SND1: variants seen among roughly 807,000 people sequenced by gnomAD.
The protein encoded by SND1 is staphylococcal nuclease domain-containing protein 1.
A neutral mutation model predicts 121.7 loss-of-function variants in SND1; 38 were observed. That is an observed-to-expected ratio of 0.31 (90% confidence interval 0.24 to 0.41). SND1 has a LOEUF of 0.41. SND1 is among the 10% of genes least tolerant of loss of function. SND1 has a pLI of 1.00. For missense variants in SND1, 868 were observed against 1,184.6 expected, an observed-to-expected ratio of 0.73 and a Z score of 3.92; for synonymous variants, 401 against 447.4, an observed-to-expected ratio of 0.90 and a Z score of 1.31.
chr7:127,882,449 G>A (rs1250787397), intron 12 of SND1, among the ~76,000 whole-genome samples: 1 of 146,938 alleles, frequency 6.8e-6, no homozygotes, highest in South Asian at 2.3e-4. Flanking sequence ...GGGAGGGGAA[G>A]AGAGGGGAGA....
intron 16 of SND1, chr7:128,031,077 G>A (rs1216950390): frequency 6.6e-6 from 1 of 152,486 alleles, no homozygotes; most frequent in Non-Finnish European, 1.5e-5. Context: ...GGGAAGGGGT[G>A]GGGGAGACAA....
chr7:127,766,242 T>G (rs1797407587), intron 10 of SND1, among the ~76,000 whole-genome samples: 1 of 152,200 alleles, frequency 6.6e-6, no homozygotes. Flanking sequence ...TGCCCTGATC[T>G]TGGACTCCCA....
In SND1 at chr7:127,932,625, A is replaced by G. The variant is rs572017540; in HGVS notation, c.1669+3296A>G. Among the ~76,000 whole-genome samples, 26 of 152,336 alleles carry G rather than the reference A, an allele frequency of 1.7e-4. No homozygotes were observed. The South Asian group carries it at 3.9e-3, about 23-fold the overall frequency. ...CCACAGCATTCCATGCTACAGAGAA[A>G]TACTTTGTGAAAGGAAGAGCCAGTT... On this transcript the variant is annotated intron_variant, in intron 15 of 23. Transcript: ENST00000354725.
intron 2 of SND1, among the ~76,000 whole-genome samples, chr7:127,688,516 C>G (rs1003697200): frequency 1.4e-5 from 2 of 147,658 alleles, no homozygotes; most frequent in African/African-American, 5.1e-5. Flanking sequence ...AAGACCAGTC[C>G]TGACAACTGA....
At chr7:127,759,099 T>TAGATAGATAGATAGATAGATAGATAGGC (rs1268977068) in intron 10 of SND1, among the ~76,000 whole-genome samples, 6 of 152,020 alleles carry the variant, frequency 3.9e-5, no homozygotes, top group East Asian at 1.9e-4. Flanking sequence ...GATAGATAGA[T>TAGATAGATAGATAGATAGATAGATAGGC]AGGCAGGCAG....
chr7:127,814,463 T>C (rs1050085131), intron 11 of SND1, among the ~76,000 whole-genome samples: 1 of 152,166 alleles, frequency 6.6e-6, no homozygotes, highest in Non-Finnish European at 1.5e-5. Flanking sequence ...GAATATCTTA[T>C]GTTGTAGACG....
At chr7:127,835,166 C>T (rs1010785056) in intron 11 of SND1, among the ~76,000 whole-genome samples, 1 of 152,182 alleles carries the variant, frequency 6.6e-6, no homozygotes, top group Non-Finnish European at 1.5e-5. Context: ...CCCTTCCCCC[C>T]ACTAATTATT....
intron 17 of SND1, among the ~76,000 whole-genome samples, chr7:128,079,989 C>A (rs59781795): frequency 0.019 from 2,851 of 152,298 alleles, 102 homozygotes; most frequent in African/African-American, 0.065. Flanking sequence ...TTCACTACTT[C>A]TAGCTGCAAG....
intron 10 of SND1, among the ~76,000 whole-genome samples, chr7:127,744,293 T>G (rs1796938552): frequency 6.6e-6 from 1 of 152,202 alleles, no homozygotes; most frequent in Admixed American, 6.5e-5. Context: ...TTGCCGTTTT[T>G]GGGTCGGCTT....
At chr7:127,671,786 T>C (rs1795521932) in intron 1 of SND1, among the ~76,000 whole-genome samples, 1 of 152,220 alleles carries the variant, frequency 6.6e-6, no homozygotes, top group South Asian at 2.1e-4. Context: ...AGTTTATCTG[T>C]CACATATCTG....
chr7:127,785,231 G>A (rs1797790750), intron 10 of SND1, among the ~76,000 whole-genome samples: 1 of 152,166 alleles, frequency 6.6e-6, no homozygotes, highest in Non-Finnish European at 1.5e-5. Flanking sequence ...AGATTGACCA[G>A]TGGAAGGAAG....
At position 127,997,812 on chromosome 7, in the gene SND1, C is replaced by T. The variant is rs767457793; in HGVS notation, c.1779+6756C>T. 5 of 534,798 alleles carry T rather than the reference C, an allele frequency of 9.3e-6. No individual in the cohort carries two copies. The East Asian group carries it at 2.2e-4, about 23-fold the overall frequency. 33.1% of individuals were successfully genotyped at this position (534,798 alleles called of 1,614,324 possible). The stretch of plus-strand genomic sequence containing the variant: ...TTCTCCCATCTCTCAGGTAGACTTA[C>T]ACTTTCGGCCCAGCACATCAGTCAT... On this transcript the variant is annotated intron_variant, in intron 16 of 23. Coordinates refer to ENST00000354725, the MANE Select transcript of SND1 (RefSeq NM_014390.4).
chr7:127,891,644 G>A (rs1009630253), intron 13 of SND1, among the ~76,000 whole-genome samples: 2 of 151,888 alleles, frequency 1.3e-5, no homozygotes, highest in African/African-American at 2.4e-5. Flanking sequence ...TCCCAGCTTC[G>A]TGTCCTCTGC....
At chr7:127,715,381 T>C (rs1218100115) in intron 9 of SND1, among the ~76,000 whole-genome samples, 1 of 152,174 alleles carries the variant, frequency 6.6e-6, no homozygotes, top group Admixed American at 6.5e-5. Context: ...GTTTGTTACA[T>C]GGGTATATTG....
intron 16 of SND1, among the ~76,000 whole-genome samples, chr7:128,019,809 G>C (rs1009665699): frequency 1.3e-5 from 2 of 152,220 alleles, no homozygotes; most frequent in African/African-American, 4.8e-5. Flanking sequence ...TTTGAGATGG[G>C]AGGAAGAGGG....
chr7:128,062,615 A>T (rs942034898), intron 16 of SND1, among the ~76,000 whole-genome samples: 3 of 152,184 alleles, frequency 2.0e-5, no homozygotes, highest in Non-Finnish European at 2.9e-5. Flanking sequence ...TATCTGTTCA[A>T]ACAGATTCTT....
At chr7:127,698,981 C>G in intron 4 of SND1, 28 bp downstream of exon 4, 1 of 1,564,996 alleles carries the variant, frequency 6.4e-7, no homozygotes, top group Non-Finnish European at 8.8e-7. Flanking sequence ...CGCTGTCTCT[C>G]TGACAGCGGT....
intron 17 of SND1, among the ~76,000 whole-genome samples, chr7:128,075,132 C>T (rs530881890): frequency 3.9e-5 from 6 of 152,352 alleles, no homozygotes; most frequent in African/African-American, 1.4e-4. Flanking sequence ...TAGGAGAGGC[C>T]TCTAGCTGTT....
chr7:127,744,095 A>G (rs529411744), intron 10 of SND1, among the ~76,000 whole-genome samples: 1 of 152,284 alleles, frequency 6.6e-6, no homozygotes, highest in African/African-American at 2.4e-5. Context: ...ATGATGATTA[A>G]GTTGTAAGTT....
Sources: allele counts gnomAD v4.1 joint callset (sites outside exome capture counted in the v4.1 genomes callset), GRCh38; gene constraint gnomAD v4.1.1; transcripts MANE v1.5; gene names NCBI Gene and HGNC (gene_info 2026-07-23, HGNC 2026-07-21).